MTA3: variants seen among roughly 807,000 people sequenced by gnomAD.
The protein encoded by MTA3 is metastasis associated 1 family member 3.
Under a neutral mutation model 83.5 loss-of-function variants are expected in MTA3, and 34 were observed. The ratio of observed to expected loss-of-function variants is 0.41; its 90% CI spans 0.31 to 0.54. The LOEUF (loss-of-function observed/expected upper bound fraction) is 0.54, where lower values mean the gene tolerates loss of function less well. Ranked by LOEUF, MTA3 falls within the 20% of genes least tolerant of loss-of-function variation. The pLI is 0.33. For missense variants in MTA3, 761 were observed against 726.4 expected (o/e 1.05, Z -0.55); for synonymous variants, 303 against 252.7 (o/e 1.20, Z -1.89).
At chr2:42,622,005 C>T (rs112730867) in intron 4 of MTA3, among the ~76,000 whole-genome samples, 6 of 152,046 alleles carry the variant, frequency 3.9e-5, no homozygotes, top group East Asian at 1.9e-4. Context: ...GACGGGGTGG[C>T]GGCCGGGCAG....
At chr2:42,606,950 T>C (rs1683512614) in intron 3 of MTA3, among the ~76,000 whole-genome samples, 1 of 149,228 alleles carries the variant, frequency 6.7e-6, no homozygotes, top group Admixed American at 6.7e-5. Context: ...GTGCCTGCAA[T>C]CGCAGGCATT....
At chr2:42,679,639 A>G (rs906254220) in intron 8 of MTA3, among the ~76,000 whole-genome samples, 4 of 152,228 alleles carry the variant, frequency 2.6e-5, no homozygotes, top group Non-Finnish European at 4.4e-5. Flanking sequence ...ATCTTGTGTC[A>G]CACAGATCTC....
intron 2 of MTA3, among the ~76,000 whole-genome samples, chr2:42,516,982 C>G (rs568200189): frequency 6.6e-6 from 1 of 151,734 alleles, no homozygotes; most frequent in African/African-American, 2.4e-5. Flanking sequence ...AAATTTGGCC[C>G]GGTGTGGTGG....
At chr2:42,525,909 C>T (rs559881213) in intron 2 of MTA3, among the ~76,000 whole-genome samples, 1 of 151,724 alleles carries the variant, frequency 6.6e-6, no homozygotes, top group South Asian at 2.1e-4. Context: ...ATCCACCTGC[C>T]TCAGCCTCCC....
intron 4 of MTA3, among the ~76,000 whole-genome samples, chr2:42,618,318 T>A (rs1380780724): frequency 2.0e-5 from 3 of 152,188 alleles, no homozygotes; most frequent in Non-Finnish European, 4.4e-5. Context: ...ACAGACCTTT[T>A]TCTAACTTAG....
chr2:42,606,344 G>A (rs533473000), intron 3 of MTA3, among the ~76,000 whole-genome samples: 1 of 148,542 alleles, frequency 6.7e-6, no homozygotes, highest in Non-Finnish European at 1.5e-5. Flanking sequence ...CCTCTCAGAC[G>A]GGGCAGCTGC....
chr2:42,568,817 C>G, intron 1 of MTA3, 44 bp downstream of exon 1: 1 of 1,213,216 alleles, frequency 8.2e-7, no homozygotes, highest in Non-Finnish European at 1.0e-6. Context: ...GAGCGGGTTC[C>G]GGGAGCGGGG....
intron 8 of MTA3, among the ~76,000 whole-genome samples, chr2:42,663,651 A>G (rs377178628): frequency 2.0e-5 from 3 of 152,206 alleles, no homozygotes; most frequent in African/African-American, 4.8e-5. Flanking sequence ...TGTAGTTCCA[A>G]CTATTCGTGA....
At chr2:42,721,166 G>A (rs1667382434) in intron 15 of MTA3, among the ~76,000 whole-genome samples, 1 of 151,750 alleles carries the variant, frequency 6.6e-6, no homozygotes, top group Non-Finnish European at 1.5e-5. Flanking sequence ...TAAGTGATTT[G>A]GGGAACACCA....
At chr2:42,684,996 G>A (rs1381328770) in intron 9 of MTA3, among the ~76,000 whole-genome samples, 2 of 152,216 alleles carry the variant, frequency 1.3e-5, no homozygotes, top group African/African-American at 4.8e-5. Context: ...GAGGCTTCAT[G>A]GAGTTAACTG....
chr2:42,751,083 C>T (rs1171618041), intron 16 of MTA3, among the ~76,000 whole-genome samples: 1 of 152,144 alleles, frequency 6.6e-6, no homozygotes, highest in Non-Finnish European at 1.5e-5. Flanking sequence ...TTCTAAAATT[C>T]TGTGGTTTCT....
intron 6 of MTA3, among the ~76,000 whole-genome samples, chr2:42,653,323 G>A (rs1420792047): frequency 6.6e-6 from 1 of 152,074 alleles, no homozygotes; most frequent in Non-Finnish European, 1.5e-5. Flanking sequence ...TATAAAGACT[G>A]GAATGAACAT....
intron 4 of MTA3, among the ~76,000 whole-genome samples, chr2:42,639,720 A>G (rs1338328593): frequency 2.0e-5 from 3 of 152,186 alleles, no homozygotes; most frequent in African/African-American, 7.2e-5. Flanking sequence ...AGGTTCTTAA[A>G]TGTAGTTAGT....
intron 3 of MTA3, among the ~76,000 whole-genome samples, chr2:42,594,333 C>T (rs1159734077): frequency 1.4e-5 from 2 of 145,866 alleles, no homozygotes; most frequent in Non-Finnish European, 3.0e-5. Context: ...GCCTCCCGGG[C>T]TCAAGCAATT....
chr2:42,734,470 C>CTTTTTTTTTT (rs3040123), intron 16 of MTA3, among the ~76,000 whole-genome samples: 2 of 82,464 alleles, frequency 2.4e-5, no homozygotes, highest in Non-Finnish European at 4.4e-5. Flanking sequence ...ATCACGGGGC[C>CTTTTTTTTTT]TTTTTTTTTT....
intron 4 of MTA3, among the ~76,000 whole-genome samples, chr2:42,610,987 T>C (rs1027586560): frequency 7.2e-4 from 107 of 149,532 alleles, no homozygotes; most frequent in East Asian, 1.9e-3. Context: ...CTTTTCTTTT[T>C]TTTTTTTTTT....
At chr2:42,552,148 C>G (rs796502557) in intron 2 of MTA3, among the ~76,000 whole-genome samples, 2 of 152,028 alleles carry the variant, frequency 1.3e-5, no homozygotes, top group Non-Finnish European at 2.9e-5. Flanking sequence ...GCTGTCAAGC[C>G]GGTGAGGGAA....
intron 12 of MTA3, 65 bp downstream of exon 12, chr2:42,704,383 C>G (rs1490492163): frequency 1.3e-6 from 2 of 1,596,088 alleles, no homozygotes; most frequent in Non-Finnish European, 8.5e-7. Flanking sequence ...GTGTGAGCGT[C>G]TGGGAAGTGC....
chr2:42,495,771 A>G (rs1244157542), intron 2 of MTA3, among the ~76,000 whole-genome samples: 2 of 152,188 alleles, frequency 1.3e-5, no homozygotes, highest in Non-Finnish European at 2.9e-5. Context: ...TATTTCAGGA[A>G]GATGCCTTTG....
Sources: gnomAD v4.1 joint callset for allele counts (sites outside exome capture counted in the v4.1 genomes callset) on GRCh38, gnomAD v4.1.1 for gene constraint, MANE v1.5 for transcripts, NCBI Gene and HGNC (gene_info 2026-07-23, HGNC 2026-07-21) for gene names.